Variants in IGF1 observed in about 807,000 individuals in gnomAD.
IGF1 encodes the protein insulin-like growth factor 1.
Under a neutral mutation model 13.8 loss-of-function variants are expected in IGF1, and 4 were observed. The ratio of observed to expected loss-of-function variants is 0.29; its 90% CI spans 0.14 to 0.66. The LOEUF (loss-of-function observed/expected upper bound fraction) is 0.66. IGF1 is among the 30% of genes least tolerant of loss of function. The pLI is 0.78. For missense variants in IGF1, 124 were observed against 188.5 expected, an observed-to-expected ratio of 0.66 and a Z score of 2.00; for synonymous variants, 76 against 72.6, an observed-to-expected ratio of 1.05 and a Z score of -0.23.
intron 2 of IGF1, among the ~76,000 whole-genome samples, chr12:102,427,848 T>A (rs1013637532): frequency 1.3e-5 from 2 of 151,100 alleles, no homozygotes; most frequent in African/African-American, 4.9e-5. Flanking sequence ...GGAGGGCGAG[T>A]GGGAGGAGAT....
At chr12:102,449,715 T>A (rs1176341833) in intron 2 of IGF1, among the ~76,000 whole-genome samples, 1 of 146,882 alleles carries the variant, frequency 6.8e-6, no homozygotes, top group Non-Finnish European at 1.5e-5. Flanking sequence ...CTGACATTCC[T>A]CTAGGGTTGA....
chr12:102,452,693 G>A (rs904344611), intron 2 of IGF1, among the ~76,000 whole-genome samples: 1 of 152,170 alleles, frequency 6.6e-6, no homozygotes, highest in African/African-American at 2.4e-5. Flanking sequence ...CATTGGAAGT[G>A]TACTTTTTAA....
intron 3 of IGF1, among the ~76,000 whole-genome samples, chr12:102,411,058 C>T: frequency 6.6e-6 from 1 of 152,202 alleles, no homozygotes; most frequent in East Asian, 1.9e-4. Flanking sequence ...CCTCTACCTT[C>T]ATCCTAGTGT....
chr12:102,416,704 G>A (rs771542132), intron 3 of IGF1, among the ~76,000 whole-genome samples: 10 of 152,152 alleles, frequency 6.6e-5, no homozygotes, highest in Non-Finnish European at 1.3e-4. Flanking sequence ...GATCTGTGGT[G>A]GGGTGGTGGA....
intron 2 of IGF1, among the ~76,000 whole-genome samples, chr12:102,431,366 G>A (rs898121872): frequency 3.3e-5 from 5 of 152,228 alleles, no homozygotes; most frequent in South Asian, 2.1e-4. Flanking sequence ...TTAAACACAA[G>A]TTTCTCCTTG....
intron 2 of IGF1, among the ~76,000 whole-genome samples, chr12:102,457,003 A>T (rs17885158): frequency 5.9e-5 from 9 of 152,158 alleles, no homozygotes; most frequent in Non-Finnish European, 8.8e-5. Context: ...TACTAAAAAA[A>T]CTGCTTTGGG....
At chr12:102,472,343 C>T (rs993752183) in intron 2 of IGF1, among the ~76,000 whole-genome samples, 2 of 141,906 alleles carry the variant, frequency 1.4e-5, no homozygotes, top group Non-Finnish European at 3.1e-5. Flanking sequence ...AATATGAGCT[C>T]AATTCACATC....
chr12:102,478,619 T>C, intron 1 of IGF1: 1 of 1,532,192 alleles, frequency 6.5e-7, no homozygotes, highest in Non-Finnish European at 8.8e-7. Flanking sequence ...TGTGAAAGCA[T>C]CTAGTTACAT....
intron 2 of IGF1, among the ~76,000 whole-genome samples, chr12:102,440,505 G>A (rs1246776164): frequency 1.3e-5 from 2 of 152,136 alleles, no homozygotes; most frequent in Non-Finnish European, 2.9e-5. Flanking sequence ...CAGGTAGTGC[G>A]GCTGGTTCTT....
chr12:102,448,012 C>T (rs1878507804), intron 2 of IGF1, among the ~76,000 whole-genome samples: 2 of 151,510 alleles, frequency 1.3e-5, no homozygotes, highest in South Asian at 4.2e-4. Flanking sequence ...AAAATTTTTT[C>T]AATCTATCCA....
In IGF1 at chr12:102,480,317, A is replaced by T; in HGVS notation, c.63+2T>A. ...TGACTTCAAAGAGTAAGAAATATTTACCTTCAAGAAATCACAAAAGCAGCA... is the reference window on the plus strand; with the variant it reads ...TGACTTCAAAGAGTAAGAAATATTTTCCTTCAAGAAATCACAAAAGCAGCA... On this transcript the variant is annotated splice_donor_variant, in intron 1 of 3. Transcript: ENST00000337514. LOFTEE classifies it high-confidence loss of function. The T allele has an allele frequency of 1.2e-6, 2 of 1,612,596 alleles. No individual in the cohort carries two copies. The highest frequency in any genetic ancestry group is 1.7e-6 in the Non-Finnish European group (2 of 1,178,880).
intron 2 of IGF1, among the ~76,000 whole-genome samples, 193 bp downstream of exon 2, chr12:102,475,450 A>G (rs3729847): frequency 6.6e-6 from 1 of 152,268 alleles, no homozygotes; most frequent in Non-Finnish European, 1.5e-5. Context: ...GGAAAATTCC[A>G]TCCTAGATCT....
intron 3 of IGF1, among the ~76,000 whole-genome samples, chr12:102,405,691 A>G (rs1444080414): frequency 6.6e-6 from 1 of 152,242 alleles, no homozygotes; most frequent in African/African-American, 2.4e-5. Flanking sequence ...AAACATCTGC[A>G]ATGCCCAAAC....
At chr12:102,421,059 C>T (rs1177714427) in intron 2 of IGF1, among the ~76,000 whole-genome samples, 1 of 152,190 alleles carries the variant, frequency 6.6e-6, no homozygotes, top group Non-Finnish European at 1.5e-5. Context: ...GTTTGGCTGC[C>T]TCCCTGCTGG....
chr12:102,431,927 C>T (rs1372093120), intron 2 of IGF1, among the ~76,000 whole-genome samples: 3 of 152,140 alleles, frequency 2.0e-5, no homozygotes, highest in Non-Finnish European at 4.4e-5. Context: ...TGCATTGTGA[C>T]CCTTTCAGTT....
chr12:102,447,190 G>C (rs1487967112), intron 2 of IGF1, among the ~76,000 whole-genome samples: 1 of 152,090 alleles, frequency 6.6e-6, no homozygotes, highest in Non-Finnish European at 1.5e-5. Context: ...GCTGAGAAGA[G>C]TGTATATTCT....
intron 3 of IGF1, among the ~76,000 whole-genome samples, chr12:102,403,538 C>A (rs949121561): frequency 4.0e-5 from 6 of 151,280 alleles, no homozygotes; most frequent in African/African-American, 1.5e-4. Context: ...GTCACTGCAA[C>A]CTCTGCCTCC....
chr12:102,478,877 G>C (rs898025043), intron 1 of IGF1, among the ~76,000 whole-genome samples: 4 of 152,186 alleles, frequency 2.6e-5, no homozygotes, highest in African/African-American at 7.2e-5. Flanking sequence ...CAGCTGGTGA[G>C]CTCTGCCTCT....
At chr12:102,455,756 G>C (rs957824871) in intron 2 of IGF1, among the ~76,000 whole-genome samples, 1 of 152,208 alleles carries the variant, frequency 6.6e-6, no homozygotes, top group Non-Finnish European at 1.5e-5. Context: ...TCCAGTAGAG[G>C]ACTGAGGCAC....
Sources: allele counts gnomAD v4.1 joint callset (sites outside exome capture counted in the v4.1 genomes callset), GRCh38; gene constraint gnomAD v4.1.1; transcripts MANE v1.5; gene names NCBI Gene and HGNC (gene_info 2026-07-23, HGNC 2026-07-21).